LSAMP: variants seen among roughly 807,000 people sequenced by gnomAD.
LSAMP encodes the protein limbic system associated membrane protein.
LSAMP carries 7 observed loss-of-function variants against 38.6 expected under a neutral mutation model. The observed-to-expected ratio is 0.18, with a 90% CI of 0.10 to 0.34. The LOEUF (loss-of-function observed/expected upper bound fraction) is 0.34. LSAMP is among the 10% of genes least tolerant of loss of function. The probability of loss-of-function intolerance (pLI) is 1.00; values close to 1 mark genes in which losing one functional copy is unlikely to be tolerated. For missense variants in LSAMP, 313 were observed against 420.0 expected, an observed-to-expected ratio of 0.75 and a Z score of 2.23; for synonymous variants, 154 against 166.8, an observed-to-expected ratio of 0.92 and a Z score of 0.59.
At chr3:116,121,885 A>ATTT (rs57411929) in intron 1 of LSAMP, among the ~76,000 whole-genome samples, 24 of 136,802 alleles carry the variant, frequency 1.8e-4, no homozygotes, top group Non-Finnish European at 2.7e-4. Context: ...TTTTTTTGTG[A>ATTT]TTTTTTTTTT....
chr3:116,247,862 C>A (rs2046623918), intron 1 of LSAMP, among the ~76,000 whole-genome samples: 1 of 152,180 alleles, frequency 6.6e-6, no homozygotes, highest in Non-Finnish European at 1.5e-5. Context: ...TCATCTGAGA[C>A]AGTTTAACAT....
chr3:116,018,676 T>A (rs1940551807), intron 3 of LSAMP, among the ~76,000 whole-genome samples: 1 of 152,134 alleles, frequency 6.6e-6, no homozygotes, highest in Admixed American at 6.6e-5. Context: ...CCAGAAAATG[T>A]AATTGGTAGA....
At chr3:116,265,170 C>T (rs1380167345) in intron 1 of LSAMP, among the ~76,000 whole-genome samples, 1 of 152,204 alleles carries the variant, frequency 6.6e-6, no homozygotes, top group Non-Finnish European at 1.5e-5. Context: ...CTAATATATT[C>T]TTCTTATGTC....
At chr3:116,120,079 G>T (rs1252217531) in intron 1 of LSAMP, among the ~76,000 whole-genome samples, 1 of 152,140 alleles carries the variant, frequency 6.6e-6, no homozygotes, top group Non-Finnish European at 1.5e-5. Flanking sequence ...CATTTGTTCA[G>T]GCATGAATTT....
intron 2 of LSAMP, chr3:116,051,086 A>G (rs977573948): frequency 2.0e-4 from 31 of 152,298 alleles, no homozygotes; most frequent in Admixed American, 2.0e-3. Flanking sequence ...TGGGAGCCTC[A>G]TTTTCCCCTC....
intron 2 of LSAMP, among the ~76,000 whole-genome samples, chr3:116,075,677 A>G (rs1045151958): frequency 6.6e-6 from 1 of 151,386 alleles, no homozygotes; most frequent in Non-Finnish European, 1.5e-5. Flanking sequence ...AGTAGCTGGG[A>G]CTACAGGCCC....
intron 1 of LSAMP, among the ~76,000 whole-genome samples, chr3:116,264,491 G>A (rs2046869362): frequency 6.6e-6 from 1 of 152,138 alleles, no homozygotes; most frequent in Non-Finnish European, 1.5e-5. Flanking sequence ...AGAGGCTCAT[G>A]GGCGCTTAAG....
intron 1 of LSAMP, among the ~76,000 whole-genome samples, chr3:116,114,493 C>T (rs1354775968): frequency 6.7e-6 from 1 of 148,334 alleles, no homozygotes; most frequent in Non-Finnish European, 1.5e-5. Context: ...GTATGCATTC[C>T]AGAAATGCTT....
At position 116,065,593 on chromosome 3, in the gene LSAMP, A is replaced by G. The variant is rs998793335; in HGVS notation, c.388+20731T>C. 7.2e-5 allele frequency among the ~76,000 whole-genome samples: 11 copies of G among 152,204 alleles called. No individual in the cohort carries two copies. The East Asian group carries it at 1.9e-3, about 27-fold the overall frequency. On this transcript the variant is annotated intron_variant, in intron 2 of 6. Transcript: ENST00000490035. ...ACTCCATTTCTTAAGATCTTAAATT[A>G]TAAAATAGGGACTGTAATATCTAAC...
At chr3:115,953,780 T>G (rs1938369317) in intron 3 of LSAMP, among the ~76,000 whole-genome samples, 1 of 152,360 alleles carries the variant, frequency 6.6e-6, no homozygotes, top group South Asian at 2.1e-4. Flanking sequence ...GGGAGTCCTC[T>G]CACTGTGCTG....
At chr3:116,428,864 A>G (rs1282755860) in intron 1 of LSAMP, among the ~76,000 whole-genome samples, 2 of 152,192 alleles carry the variant, frequency 1.3e-5, no homozygotes, top group Non-Finnish European at 2.9e-5. Flanking sequence ...GGAATTTGTG[A>G]CATTCTTGGG....
chr3:115,957,799 C>A (rs530033147), intron 3 of LSAMP, among the ~76,000 whole-genome samples: 1 of 152,286 alleles, frequency 6.6e-6, no homozygotes. Context: ...TCCAGAAGAG[C>A]TTTCCAAAAC....
intron 1 of LSAMP, among the ~76,000 whole-genome samples, chr3:116,405,337 C>G (rs911149180): frequency 6.6e-6 from 1 of 152,054 alleles, no homozygotes; most frequent in African/African-American, 2.4e-5. Context: ...TAAATTATTT[C>G]TATGAGGAAC....
rs978403200 is a variant in LSAMP at position 115,928,608 on chromosome 3, A to G, written c.515-75991T>C. ...TATTGTGAATCTCTAGAGATGTTTT[A>G]TAGGATTTGTTGATTTATTTCCCAG... On this transcript the variant is annotated intron_variant, in intron 3 of 6. Coordinates refer to ENST00000490035, the MANE Select transcript of LSAMP (RefSeq NM_002338.5). 3.9e-5 allele frequency among the ~76,000 whole-genome samples: 6 copies of G among 152,344 alleles called. No individual in the cohort carries two copies. In the South Asian group the frequency reaches 1.2e-3, roughly 32 times the overall value.
intron 1 of LSAMP, among the ~76,000 whole-genome samples, chr3:116,164,324 A>G (rs1349942859): frequency 6.6e-6 from 1 of 151,856 alleles, no homozygotes; most frequent in Admixed American, 6.6e-5. Context: ...AACAGAGGCA[A>G]TCATTCTTCC....
intron 1 of LSAMP, among the ~76,000 whole-genome samples, chr3:116,214,635 T>A (rs987087455): frequency 3.3e-5 from 5 of 151,536 alleles, no homozygotes; most frequent in Admixed American, 6.6e-5. Context: ...CCCAATTAGC[T>A]GGGATTACAG....
At position 116,137,139 on chromosome 3, in the gene LSAMP, G is replaced by A. The variant is rs917758167; in HGVS notation, c.156-50583C>T. ...TTCTTCAGGTGGCCTTCTTCCCAGT[G>A]TCTCTCTGTCTTCTTCTTTTTATTT... On this transcript the variant is annotated intron_variant, in intron 1 of 6. Transcript: ENST00000490035. Among the ~76,000 whole-genome samples, 5 of 151,976 alleles carry A rather than the reference G, an allele frequency of 3.3e-5. No homozygotes were observed. In the South Asian group the frequency reaches 8.3e-4, roughly 25 times the overall value.
At chr3:116,013,839 T>G (rs1212963985) in intron 3 of LSAMP, among the ~76,000 whole-genome samples, 1 of 152,208 alleles carries the variant, frequency 6.6e-6, no homozygotes, top group East Asian at 1.9e-4. Flanking sequence ...CCTGGATTCT[T>G]AAATGCATTA....
At chr3:116,118,278 A>AC (rs1220759951) in intron 1 of LSAMP, among the ~76,000 whole-genome samples, 1 of 152,128 alleles carries the variant, frequency 6.6e-6, no homozygotes, top group East Asian at 1.9e-4. Context: ...CTCTTATTTT[A>AC]ATTGCTCCCC....
Sources: allele counts gnomAD v4.1 joint callset (sites outside exome capture counted in the v4.1 genomes callset), GRCh38; gene constraint gnomAD v4.1.1; transcripts MANE v1.5; gene names NCBI Gene and HGNC (gene_info 2026-07-23, HGNC 2026-07-21).